Variants in DNM3 observed in about 807,000 individuals in gnomAD.
The protein encoded by DNM3 is dynamin-3.
DNM3 carries 47 observed loss-of-function variants against 101.6 expected under a neutral mutation model. The ratio of observed to expected loss-of-function variants is 0.46; its 90% CI spans 0.37 to 0.59. The LOEUF (loss-of-function observed/expected upper bound fraction) is 0.59. Among genes scored for constraint, DNM3 ranks in the 20% least tolerant of loss-of-function variants. The pLI is 0.00. For synonymous variants in DNM3, 385 were observed against 387.9 expected (o/e 0.99, Z 0.09); for missense variants, 849 against 1,085.7 (o/e 0.78, Z 3.06).
chr1:172,211,596 T>G (rs1010789311), intron 14 of DNM3, among the ~76,000 whole-genome samples: 2 of 152,170 alleles, frequency 1.3e-5, no homozygotes, highest in African/African-American at 4.8e-5. Flanking sequence ...ATTACATCCT[T>G]AAGTATCTCA....
chr1:172,356,852 G>A (rs2067479261), intron 17 of DNM3, among the ~76,000 whole-genome samples: 1 of 151,918 alleles, frequency 6.6e-6, no homozygotes, highest in African/African-American at 2.4e-5. Context: ...TCCAGGACTG[G>A]GGCAGAGAAA....
In DNM3 at chr1:171,932,315, A is replaced by AT. The variant is rs1023805638; in HGVS notation, c.235+10504dup. On this transcript the variant is annotated intron_variant, in intron 2 of 20. Coordinates refer to ENST00000627582, the MANE Select transcript of DNM3 (RefSeq NM_015569.5). Reference sequence around the variant, plus strand: ...CACCACCAGGCAAGGCTAATTTTTAATTTTTTTTTTGTAGAGATGGGGTCT... The same window carrying AT: ...CACCACCAGGCAAGGCTAATTTTTAATTTTTTTTTTTGTAGAGATGGGGTCT... Among the ~76,000 whole-genome samples, 562 of 147,118 alleles carry AT rather than the reference A, an allele frequency of 3.8e-3. 5 individuals are homozygous for AT. The highest frequency in any genetic ancestry group is 0.012 in the African/African-American group (481 of 40,026).
intron 1 of DNM3, among the ~76,000 whole-genome samples, chr1:171,872,790 T>G (rs2035416013): frequency 6.7e-6 from 1 of 148,690 alleles, no homozygotes. Context: ...GAAATGTTTG[T>G]TTTTTTTTAA....
chr1:172,379,313 A>G (rs1439230935), intron 18 of DNM3, 131 bp downstream of exon 18: 2 of 841,130 alleles, frequency 2.4e-6, no homozygotes, highest in Non-Finnish European at 3.6e-6. Context: ...ATCATTTTCC[A>G]TTAGACGTGA....
At chr1:172,119,904 T>C (rs961845060) in intron 13 of DNM3, among the ~76,000 whole-genome samples, 4 of 152,162 alleles carry the variant, frequency 2.6e-5, no homozygotes, top group African/African-American at 9.7e-5. Context: ...TAACTTCTCT[T>C]CCTAAATATT....
intron 2 of DNM3, among the ~76,000 whole-genome samples, chr1:171,980,717 G>A (rs1272815995): frequency 6.6e-6 from 1 of 150,994 alleles, no homozygotes; most frequent in Admixed American, 6.6e-5. Context: ...TTTATTGGAA[G>A]CATTGTTATA....
At chr1:172,040,096 G>A (rs1480925513) in intron 7 of DNM3, among the ~76,000 whole-genome samples, 1 of 152,122 alleles carries the variant, frequency 6.6e-6, no homozygotes, top group Non-Finnish European at 1.5e-5. Flanking sequence ...AGAGAATCAT[G>A]AGAACTTTGG....
chr1:172,339,146 A>G (rs2066578933), intron 17 of DNM3: 1 of 407,458 alleles, frequency 2.5e-6, no homozygotes, highest in Non-Finnish European at 4.8e-6. Flanking sequence ...TTGCTTTTCA[A>G]TGTGTAAAAA....
chr1:171,931,487 AT>A (rs2041001087), intron 2 of DNM3, among the ~76,000 whole-genome samples: 1 of 152,230 alleles, frequency 6.6e-6, no homozygotes, highest in Non-Finnish European at 1.5e-5. Flanking sequence ...TATTTTAAAT[AT>A]ATAGAAGTTT....
chr1:172,217,818 T>C (rs2060760480), intron 14 of DNM3, among the ~76,000 whole-genome samples: 1 of 152,092 alleles, frequency 6.6e-6, no homozygotes, highest in South Asian at 2.1e-4. Context: ...GGGAGGGAAA[T>C]CACAATGAGT....
chr1:172,390,329 A>G (rs1330715113), intron 20 of DNM3, among the ~76,000 whole-genome samples: 4 of 152,358 alleles, frequency 2.6e-5, no homozygotes, highest in Non-Finnish European at 5.9e-5. Context: ...TGAGGCAGTG[A>G]GGTTAAACAG....
chr1:172,276,896 T>A (rs929613642), intron 15 of DNM3, among the ~76,000 whole-genome samples: 2 of 152,040 alleles, frequency 1.3e-5, no homozygotes, highest in Admixed American at 1.3e-4. Flanking sequence ...CAATAATGAA[T>A]GAATAAGTAC....
intron 17 of DNM3, among the ~76,000 whole-genome samples, chr1:172,367,955 T>C (rs1437765172): frequency 6.6e-6 from 1 of 151,786 alleles, no homozygotes; most frequent in Non-Finnish European, 1.5e-5. Flanking sequence ...GATCTGACGG[T>C]TTTATAAGGG....
chr1:172,152,109 C>T (rs1409941322), intron 14 of DNM3, among the ~76,000 whole-genome samples: 3 of 152,058 alleles, frequency 2.0e-5, no homozygotes, highest in Admixed American at 6.6e-5. Context: ...GTCTCAAACT[C>T]CTGGACTCAT....
intron 17 of DNM3, among the ~76,000 whole-genome samples, chr1:172,349,587 A>G (rs1283348961): frequency 1.3e-5 from 2 of 152,224 alleles, no homozygotes; most frequent in East Asian, 3.9e-4. Context: ...AAATAATTAT[A>G]AAATATCCTG....
intron 20 of DNM3, among the ~76,000 whole-genome samples, chr1:172,401,828 G>GACT (rs2070510162): frequency 6.6e-6 from 1 of 152,154 alleles, no homozygotes; most frequent in Non-Finnish European, 1.5e-5. Flanking sequence ...ACAAAATCAT[G>GACT]ACTGTTATAG....
chr1:172,281,837 G>A (rs1032895128), intron 15 of DNM3, among the ~76,000 whole-genome samples: 25 of 151,772 alleles, frequency 1.6e-4, no homozygotes, highest in African/African-American at 5.1e-4. Flanking sequence ...TGGATAGTCC[G>A]GTTACACTGA....
chr1:172,226,345 A>T (rs997566417), intron 14 of DNM3, among the ~76,000 whole-genome samples: 1 of 152,216 alleles, frequency 6.6e-6, no homozygotes, highest in Non-Finnish European at 1.5e-5. Flanking sequence ...GTAAACATAG[A>T]TACTTTTAAA....
chr1:172,291,780 T>G (rs767785522), intron 15 of DNM3, among the ~76,000 whole-genome samples: 3 of 152,174 alleles, frequency 2.0e-5, no homozygotes, highest in African/African-American at 7.2e-5. Flanking sequence ...GTTTTGGTCT[T>G]GCATGATTTG....
Sources: allele counts gnomAD v4.1 joint callset (sites outside exome capture counted in the v4.1 genomes callset), GRCh38; gene constraint gnomAD v4.1.1; transcripts MANE v1.5; gene names NCBI Gene and HGNC (gene_info 2026-07-23, HGNC 2026-07-21).